COL6A5: variants seen among roughly 807,000 people sequenced by gnomAD.
COL6A5 encodes the protein collagen alpha-5(VI) chain.
Under a neutral mutation model 65.6 loss-of-function variants are expected in COL6A5, and 48 were observed. The ratio of observed to expected loss-of-function variants is 0.73; its 90% CI spans 0.58 to 0.93. COL6A5 has a LOEUF of 0.93. COL6A5 is among the 40% of genes least tolerant of loss of function. COL6A5 has a pLI of 0.00. For synonymous variants in COL6A5, 291 were observed against 322.8 expected (o/e 0.90, Z 1.05); for missense variants, 914 against 928.3 (o/e 0.98, Z 0.20).
chr3:130,426,459 A>G (rs1937605094), intron 31 of COL6A5, 56 bp downstream of exon 31: 1 of 1,506,220 alleles, frequency 6.6e-7, no homozygotes, highest in African/African-American at 1.4e-5. Flanking sequence ...GGCACTTAGG[A>G]CTGTATGCAG....
At position 130,353,520 on chromosome 3, in the gene COL6A5, T is replaced by C. The variant is rs75671962; in HGVS notation, c.-29+7539T>C. Among the ~76,000 whole-genome samples the C allele has an allele frequency of 9.9e-3, 1,512 of 152,154 alleles. 16 individuals carry two copies. The highest frequency in any genetic ancestry group is 0.081 in the South Asian group (389 of 4,812). ...AGAAAGTCCAGAAGGAAAATAAAAC[T>C]GTTACAAAACTAAAACCTAAATTAG... On this transcript the variant is annotated intron_variant and NMD_transcript_variant, in intron 1 of 41. Transcript: ENST00000312481.
intron 5 of COL6A5, among the ~76,000 whole-genome samples, chr3:130,387,291 C>T (rs1936225439): frequency 6.6e-6 from 1 of 151,990 alleles, no homozygotes; most frequent in African/African-American, 2.4e-5. Flanking sequence ...TTTAGATGGG[C>T]AATCATCTGC....
intron 4 of COL6A5, among the ~76,000 whole-genome samples, chr3:130,453,207 G>C (rs1485736761): frequency 6.6e-6 from 1 of 152,110 alleles, no homozygotes; most frequent in Admixed American, 6.5e-5. Context: ...AATCACAAGA[G>C]TATTGATTGG....
At chr3:130,480,508 C>T (rs1190341087) in intron 7 of COL6A5, among the ~76,000 whole-genome samples, 4 of 152,032 alleles carry the variant, frequency 2.6e-5, no homozygotes, top group East Asian at 1.9e-4. Context: ...ACACTATAAA[C>T]TATCTGACAT....
chr3:130,358,311 G>C (rs988860208), intron 1 of COL6A5, among the ~76,000 whole-genome samples: 3 of 152,116 alleles, frequency 2.0e-5, no homozygotes, highest in African/African-American at 7.2e-5. Context: ...ATTGAGAAAG[G>C]AGAAGGCAAA....
chr3:130,445,766 A>T lies in COL6A5; in HGVS notation c.1332+2200A>T, dbSNP rs545170869. On this transcript the variant is annotated intron_variant, in intron 4 of 7. Coordinates refer to ENST00000512836, the Ensembl canonical transcript of COL6A5. Reference sequence around the variant, plus strand: ...AATGATGATTCTCGTTCTCCTGATAAGAAATAAAATAAGTAGCCTCCAGGC... The same window carrying T: ...AATGATGATTCTCGTTCTCCTGATATGAAATAAAATAAGTAGCCTCCAGGC... Among the ~76,000 whole-genome samples, 4 of 152,316 alleles carry T rather than the reference A, an allele frequency of 2.6e-5. No homozygotes were observed. In the East Asian group the frequency reaches 5.8e-4, roughly 22 times the overall value.
chr3:130,465,926 A>G (rs1709804194), intron 5 of COL6A5, among the ~76,000 whole-genome samples: 2 of 152,074 alleles, frequency 1.3e-5, no homozygotes, highest in African/African-American at 2.4e-5. Context: ...GAATGGGATA[A>G]TGGCAAATTA....
intron 1 of COL6A5, among the ~76,000 whole-genome samples, chr3:130,351,366 G>A (rs1419546256): frequency 6.6e-6 from 1 of 152,176 alleles, no homozygotes; most frequent in Admixed American, 6.5e-5. Flanking sequence ...TACCACCAGA[G>A]TGAACAGGCA....
At chr3:130,458,592 T>C (rs1346173962) in intron 5 of COL6A5, among the ~76,000 whole-genome samples, 2 of 152,138 alleles carry the variant, frequency 1.3e-5, no homozygotes, top group Non-Finnish European at 2.9e-5. Context: ...TGTTTGACCA[T>C]TTTGGTGTGC....
intron 6 of COL6A5, among the ~76,000 whole-genome samples, chr3:130,390,799 C>T (rs1936368569): frequency 6.6e-6 from 1 of 152,188 alleles, no homozygotes; most frequent in Non-Finnish European, 1.5e-5. Context: ...GTTTGGCAAA[C>T]ATCAGTATAT....
upstream of COL6A5, chr3:130,431,427 G>T: frequency 6.5e-7 from 1 of 1,546,000 alleles, no homozygotes. Flanking sequence ...TTTTGATCCA[G>T]TGAAATAACT....
At chr3:130,474,369 C>G (rs1053462994) in intron 7 of COL6A5, among the ~76,000 whole-genome samples, 1 of 151,946 alleles carries the variant, frequency 6.6e-6, no homozygotes, top group African/African-American at 2.4e-5. Context: ...GACTTAGAGT[C>G]TAAACAACAT....
At chr3:130,440,644 G>C in exon 3 of COL6A5, 2 of 1,613,536 alleles carry the variant, frequency 1.2e-6, no homozygotes, top group Non-Finnish European at 1.7e-6. Flanking sequence ...TGATGGCTTT[G>C]AGGGCTAAGT....
intron 1 of COL6A5, among the ~76,000 whole-genome samples, chr3:130,364,246 G>A (rs1405946726): frequency 2.0e-5 from 3 of 151,954 alleles, no homozygotes; most frequent in Non-Finnish European, 2.9e-5. Context: ...AAATATCCTC[G>A]ACCCCACATC....
chr3:130,406,294 A>C, exon 17 of COL6A5: 1 of 1,550,468 alleles, frequency 6.4e-7, no homozygotes, highest in Non-Finnish European at 8.7e-7. Context: ...CTGGAATAAA[A>C]GGAGAAAAAG....
At chr3:130,425,661 T>G (rs1467742914) in intron 29 of COL6A5, among the ~76,000 whole-genome samples, 2 of 152,196 alleles carry the variant, frequency 1.3e-5, no homozygotes, top group African/African-American at 4.8e-5. Flanking sequence ...TTTATGAGCT[T>G]GTTGTAATGA....
intron 27 of COL6A5, among the ~76,000 whole-genome samples, chr3:130,422,011 C>A (rs1330262048): frequency 1.3e-5 from 2 of 152,028 alleles, no homozygotes; most frequent in Non-Finnish European, 2.9e-5. Context: ...AGAACAATGT[C>A]TTCTACATAA....
At chr3:130,478,154 G>A (rs1710143655) in intron 7 of COL6A5, among the ~76,000 whole-genome samples, 1 of 152,096 alleles carries the variant, frequency 6.6e-6, no homozygotes, top group African/African-American at 2.4e-5. Context: ...ATTGGCTAAT[G>A]TAAGCAGTAA....
Position 130,406,026 on chromosome 3 carries a change from G to T in COL6A5, c.4380+7G>T. The T allele has an allele frequency of 1.9e-6, 3 of 1,551,346 alleles. No homozygotes were observed. Among genetic ancestry groups the T allele is most frequent in the Non-Finnish European group, 2.6e-6 (3 of 1,146,714 alleles). ...AGGATTTTCTGGACCTAAGGTACTG[G>T]AGTTTTTTCTTAGTTTAATTTGATT... is the stretch of plus-strand genomic sequence containing the variant. On this transcript the variant is annotated splice_region_variant and intron_variant and NMD_transcript_variant, in intron 15 of 41. Coordinates refer to the COL6A5 transcript ENST00000312481.
Sources: gnomAD v4.1 joint callset for allele counts (sites outside exome capture counted in the v4.1 genomes callset) on GRCh38, gnomAD v4.1.1 for gene constraint, MANE v1.5 for transcripts, NCBI Gene and HGNC (gene_info 2026-07-23, HGNC 2026-07-21) for gene names.